The following DAB1 variants were observed in gnomAD, a reference collection of about 807,000 sequenced individuals.
The protein encoded by DAB1 is DAB adaptor protein 1, also known as disabled homolog 1.
A neutral mutation model predicts 64.6 loss-of-function variants in DAB1; 15 were observed. That is an observed-to-expected ratio of 0.23 (90% CI 0.16 to 0.36). The LOEUF (loss-of-function observed/expected upper bound fraction) is 0.36. Ranked by LOEUF, DAB1 falls within the 10% of genes least tolerant of loss-of-function variation. The pLI is 1.00. For synonymous variants in DAB1, 235 were observed against 251.9 expected (o/e 0.93, Z 0.64); for missense variants, 596 against 706.7 (o/e 0.84, Z 1.78).
intron 1 of DAB1, among the ~76,000 whole-genome samples, chr1:57,879,362 T>A (rs1644105909): frequency 6.6e-6 from 1 of 152,192 alleles, no homozygotes; most frequent in South Asian, 2.1e-4. Flanking sequence ...ATGTTGAAGA[T>A]GATGGTGACA....
chr1:57,274,657 C>T lies in DAB1; in HGVS notation c.67+16307G>A, dbSNP rs138880681. 9.1e-3 allele frequency among the ~76,000 whole-genome samples: 1,380 copies of T among 152,182 alleles called. 16 individuals carry two copies. The highest frequency in any genetic ancestry group is 0.017 in the Middle Eastern group (5 of 294). On this transcript the variant is annotated intron_variant, in intron 2 of 14. Transcript: ENST00000371236. ...GTGCAGCTGCGCCATCTCAGCTCAC[C>T]GCAACCTCTGCCTCCTGGGCTCAAG...
intron 1 of DAB1, among the ~76,000 whole-genome samples, chr1:57,410,549 G>A (rs1316972011): frequency 6.6e-6 from 1 of 152,214 alleles, no homozygotes; most frequent in Admixed American, 6.5e-5. Flanking sequence ...AGCCTATGCT[G>A]TATGACCTTT....
intron 7 of DAB1, among the ~76,000 whole-genome samples, chr1:57,572,245 C>G (rs887302291): frequency 6.6e-6 from 1 of 152,136 alleles, no homozygotes; most frequent in African/African-American, 2.4e-5. Flanking sequence ...AGAGAGGCCA[C>G]CTAAGTTTAA....
intron 6 of DAB1, among the ~76,000 whole-genome samples, chr1:57,716,582 C>G (rs990407220): frequency 8.5e-5 from 13 of 152,262 alleles, no homozygotes; most frequent in Admixed American, 7.8e-4. Flanking sequence ...AAAATCAACT[C>G]TAAGTGGATT....
chr1:57,496,884 G>A (rs896844097), intron 7 of DAB1, among the ~76,000 whole-genome samples: 1 of 152,096 alleles, frequency 6.6e-6, no homozygotes, highest in Non-Finnish European at 1.5e-5. Context: ...TACACAACAA[G>A]GGGTCCAACT....
intron 7 of DAB1, among the ~76,000 whole-genome samples, chr1:57,640,551 AG>A (rs2101640996): frequency 6.6e-6 from 1 of 152,304 alleles, no homozygotes; most frequent in Non-Finnish European, 1.5e-5. Context: ...TCAGCTTCAA[AG>A]CAGGGCCTCT....
chr1:58,356,302 T>G (rs1644110761), intron 3 of DAB1, among the ~76,000 whole-genome samples: 2 of 152,174 alleles, frequency 1.3e-5, no homozygotes, highest in South Asian at 4.1e-4. Context: ...AGCAGGAACC[T>G]TGCCTGTTTG....
chr1:57,312,467 G>C (rs1215665040), intron 1 of DAB1, among the ~76,000 whole-genome samples: 1 of 152,114 alleles, frequency 6.6e-6, no homozygotes, highest in African/African-American at 2.4e-5. Flanking sequence ...AGTCCAAAGA[G>C]GGGACACATA....
At chr1:58,387,374 G>A (rs1165296681) in intron 3 of DAB1, among the ~76,000 whole-genome samples, 1 of 152,224 alleles carries the variant, frequency 6.6e-6, no homozygotes, top group Non-Finnish European at 1.5e-5. Flanking sequence ...ATGGAGTACA[G>A]ATGTTTATAT....
At chr1:57,130,944 T>C (rs1337582902) in intron 4 of DAB1, among the ~76,000 whole-genome samples, 1 of 152,226 alleles carries the variant, frequency 6.6e-6, no homozygotes, top group Non-Finnish European at 1.5e-5. Flanking sequence ...CATGAATTTC[T>C]AGAAAGACAT....
intron 1 of DAB1, among the ~76,000 whole-genome samples, chr1:57,308,381 G>T (rs1265295855): frequency 1.3e-5 from 2 of 152,076 alleles, no homozygotes; most frequent in Non-Finnish European, 2.9e-5. Flanking sequence ...AGGAATTCCA[G>T]GGGGAAACAC....
intron 3 of DAB1, among the ~76,000 whole-genome samples, chr1:57,143,094 C>T (rs1017487655): frequency 6.6e-6 from 1 of 152,132 alleles, no homozygotes; most frequent in African/African-American, 2.4e-5. Flanking sequence ...TCAGTCTCTT[C>T]TGGGGCTTTC....
At chr1:57,562,937 A>T (rs142566743) in intron 7 of DAB1, among the ~76,000 whole-genome samples, 231 of 152,268 alleles carry the variant, frequency 1.5e-3, no homozygotes, top group African/African-American at 5.2e-3. Flanking sequence ...CTACTCTACA[A>T]CGGAGGTAAG....
rs566307576 is a variant in DAB1 at position 58,092,967 on chromosome 1, T to G, written n.387+57544A>C. On this transcript the variant is annotated intron_variant and non_coding_transcript_variant, in intron 5 of 20. Coordinates refer to the DAB1 transcript ENST00000485760. ...TTTGCATAATACAAATACAATTACA[T>G]ATTGTCTCTATTTAAATATTTTAAT... 2.6e-5 allele frequency among the ~76,000 whole-genome samples: 4 copies of G among 152,266 alleles called. No homozygotes were observed. The South Asian group carries it at 8.3e-4, about 32-fold the overall frequency.
chr1:58,544,747 C>T (rs1234179890), intron 1 of DAB1, among the ~76,000 whole-genome samples: 1 of 152,120 alleles, frequency 6.6e-6, no homozygotes, highest in African/African-American at 2.4e-5. Context: ...GCATGCATTA[C>T]CACATCTGGC....
intron 6 of DAB1, among the ~76,000 whole-genome samples, chr1:57,765,729 A>T (rs1243586312): frequency 6.6e-6 from 1 of 151,982 alleles, no homozygotes; most frequent in East Asian, 1.9e-4. Flanking sequence ...CACACTCTTC[A>T]CTTGACTTCC....
chr1:57,237,722 G>C (rs1288733760), intron 2 of DAB1, among the ~76,000 whole-genome samples: 1 of 152,142 alleles, frequency 6.6e-6, no homozygotes, highest in Non-Finnish European at 1.5e-5. Flanking sequence ...AGAAGAGAAA[G>C]TAAAGGCTCA....
intron 7 of DAB1, among the ~76,000 whole-genome samples, chr1:57,453,866 T>C (rs1232818610): frequency 1.3e-5 from 2 of 151,320 alleles, no homozygotes; most frequent in African/African-American, 4.9e-5. Flanking sequence ...TCCAAACACA[T>C]GAAAGAAGAA....
intron 6 of DAB1, among the ~76,000 whole-genome samples, chr1:57,738,399 C>A (rs1366184411): frequency 6.6e-6 from 1 of 152,288 alleles, no homozygotes; most frequent in African/African-American, 2.4e-5. Context: ...TGTGACAGCA[C>A]TTTGTAACAT....
Sources: allele counts gnomAD v4.1 joint callset (sites outside exome capture counted in the v4.1 genomes callset), GRCh38; gene constraint gnomAD v4.1.1; transcripts MANE v1.5; gene names NCBI Gene and HGNC (gene_info 2026-07-23, HGNC 2026-07-21).